ANKRD18B: variants seen among roughly 807,000 people sequenced by gnomAD.
ANKRD18B encodes the protein ankyrin repeat domain-containing protein 18B.
A neutral mutation model predicts 111.8 loss-of-function variants in ANKRD18B; 75 were observed. The observed-to-expected ratio is 0.67, with a 90% confidence interval of 0.56 to 0.81. ANKRD18B has a LOEUF of 0.81. Among genes scored for constraint, ANKRD18B ranks in the 40% least tolerant of loss-of-function variants. The pLI, the probability that ANKRD18B is intolerant of heterozygous loss-of-function variation, is 0.00. For missense variants in ANKRD18B, 1,038 were observed against 1,225.5 expected, an observed-to-expected ratio of 0.85 and a Z score of 2.28; for synonymous variants, 356 against 417.3, an observed-to-expected ratio of 0.85 and a Z score of 1.79.
At chr9:33,530,725 C>T (rs1485473739) in intron 3 of ANKRD18B, among the ~76,000 whole-genome samples, 4 of 152,160 alleles carry the variant, frequency 2.6e-5, no homozygotes, top group South Asian at 2.1e-4. Context: ...TCTTTCTCTA[C>T]GTTTGTGACT....
chr9:33,533,343 T>C, intron 3 of ANKRD18B, 96 bp from the exon 4 acceptor site: 4 of 1,499,354 alleles, frequency 2.7e-6, no homozygotes, highest in Non-Finnish European at 3.5e-6. Flanking sequence ...CTGTCTATAT[T>C]GCATGTTTAA....
At chr9:33,569,487 A>G (rs551227137) in intron 17 of ANKRD18B, among the ~76,000 whole-genome samples, 14 of 151,774 alleles carry the variant, frequency 9.2e-5, no homozygotes, top group East Asian at 1.9e-4. Flanking sequence ...CAGGTCTCGA[A>G]CTGACCTTGT....
chr9:33,567,639 C>T (rs1031125311), intron 16 of ANKRD18B, among the ~76,000 whole-genome samples: 3 of 151,978 alleles, frequency 2.0e-5, no homozygotes, highest in Non-Finnish European at 2.9e-5. Flanking sequence ...AATTACTTGT[C>T]AGAATTTTCC....
In ANKRD18B at chr9:33,534,413, G is replaced by A. The variant is rs529653205; in HGVS notation, c.646G>A (p.Val216Ile). The A allele has an allele frequency of 4.6e-5, 71 of 1,550,382 alleles. No homozygotes were observed. Among genetic ancestry groups the A allele is most frequent in the African/African-American group, 2.5e-4 (18 of 73,056 alleles). Reference protein sequence around the residue: ...LAVQHNLSSIVTLLLQQNIHI... With the variant: ...LAVQHNLSSIITLLLQQNIHI... ...AGTACAGCATAACTTGTCAAGTATC[G>A]TCACCCTCCTGCTTCAACAAAATAT... The change falls in exon 5 of 19, where the codon GTC becomes ATC. Residue 216 changes from valine to isoleucine, a missense_variant. This residue lies in a region of ANKRD18B where 93 missense variants were observed against 141.3 expected (regional missense o/e 0.66). Coordinates refer to ENST00000684830, the MANE Select transcript of ANKRD18B (RefSeq NM_001393611.1).
intron 14 of ANKRD18B, among the ~76,000 whole-genome samples, chr9:33,563,002 G>A (rs376889753): frequency 6.6e-6 from 1 of 152,104 alleles, no homozygotes; most frequent in Non-Finnish European, 1.5e-5. Context: ...CTAACTTGAG[G>A]GGAAATTGTA....
chr9:33,530,124 T>C (rs4119547), intron 3 of ANKRD18B, among the ~76,000 whole-genome samples: 107,131 of 151,942 alleles, frequency 0.71, 39,112 homozygotes, highest in Non-Finnish European at 0.82. Context: ...ACATCCCAAG[T>C]TGATAAAGGA....
chr9:33,554,188 A>G (rs1320191541), intron 12 of ANKRD18B, among the ~76,000 whole-genome samples: 1 of 151,064 alleles, frequency 6.6e-6, no homozygotes, highest in Non-Finnish European at 1.5e-5. Flanking sequence ...GGAAAAAGAA[A>G]GAAAGAAAGA....
chr9:33,555,360 ATTAATGACAATG>A (rs1828507135), intron 12 of ANKRD18B, among the ~76,000 whole-genome samples: 1 of 152,222 alleles, frequency 6.6e-6, no homozygotes, highest in South Asian at 2.1e-4. Flanking sequence ...ATCTTAAACT[ATTAATGACAATG>A]TTTCTAGAGC....
intron 16 of ANKRD18B, 106 bp downstream of exon 16, chr9:33,567,420 C>A: frequency 1.1e-6 from 1 of 949,922 alleles, no homozygotes; most frequent in Non-Finnish European, 1.5e-6. Flanking sequence ...GAAGTGAATG[C>A]TAATTTGGTA....
intron 1 of ANKRD18B, among the ~76,000 whole-genome samples, chr9:33,528,058 G>A (rs971775560): frequency 6.6e-6 from 1 of 152,194 alleles, no homozygotes; most frequent in African/African-American, 2.4e-5. Flanking sequence ...TAGAACTTTG[G>A]AAGGCTGAGG....
chr9:33,536,294 GAACT>G (rs1031657094), intron 5 of ANKRD18B, among the ~76,000 whole-genome samples: 5 of 152,224 alleles, frequency 3.3e-5, no homozygotes, highest in African/African-American at 1.2e-4. Flanking sequence ...ACAATGAATA[GAACT>G]AATAACCAAA....
At chr9:33,572,156 AT>A (rs1358639777) in intron 18 of ANKRD18B, 159 bp from the exon 19 acceptor site, 1 of 622,516 alleles carries the variant, frequency 1.6e-6, no homozygotes, top group African/African-American at 1.9e-5. Context: ...AATTAGTGCC[AT>A]GTGTAAATGA....
At chr9:33,555,229 T>C (rs935476494) in intron 12 of ANKRD18B, among the ~76,000 whole-genome samples, 3 of 152,188 alleles carry the variant, frequency 2.0e-5, no homozygotes, top group African/African-American at 7.2e-5. Flanking sequence ...TACAGGTGAA[T>C]ACTTACAGAG....
chr9:33,553,157 T>C (rs1042711559), intron 12 of ANKRD18B, among the ~76,000 whole-genome samples: 10 of 150,480 alleles, frequency 6.6e-5, no homozygotes, highest in African/African-American at 2.4e-4. Context: ...GCCCAGGAAT[T>C]TGAGACCAGC....
chr9:33,546,478 C>T (rs1828357386), intron 10 of ANKRD18B, among the ~76,000 whole-genome samples: 1 of 152,074 alleles, frequency 6.6e-6, no homozygotes, highest in Non-Finnish European at 1.5e-5. Context: ...AGTAGCGTAA[C>T]TCCTCAGCCA....
At position 33,548,804 on chromosome 9, in the gene ANKRD18B, T is replaced by C. The variant is rs780562114; in HGVS notation, c.2016T>C (p.Asn672=). Reference sequence around the variant, plus strand: ...ATAAGGAATTAATGAATGAATATAATTATTTAAAAGAAAAACTGCTTCAGT... The same window carrying C: ...ATAAGGAATTAATGAATGAATATAACTATTTAAAAGAAAAACTGCTTCAGT... The part of the protein sequence containing the change: ...ERNKELMNEY[N]YLKEKLLQYE... The change falls in exon 11 of 19, where the codon AAT becomes AAC. Residue 672 remains asparagine, a synonymous_variant. Coordinates refer to ENST00000684830, the MANE Select transcript of ANKRD18B (RefSeq NM_001393611.1). 52 of 1,519,156 alleles carry C rather than the reference T, an allele frequency of 3.4e-5. No individual in the cohort carries two copies. In the African/African-American group the frequency reaches 6.7e-4, roughly 20 times the overall value. The allele number at this position is 1,519,156 out of a possible 1,614,324, so 94.1% of individuals were successfully genotyped here. A position where few individuals can be genotyped will look rare whatever the true frequency, so the allele number is the denominator to read the frequency against.
At chr9:33,530,768 A>G (rs539101742) in intron 3 of ANKRD18B, among the ~76,000 whole-genome samples, 248 of 152,304 alleles carry the variant, frequency 1.6e-3, no homozygotes, top group South Asian at 4.6e-3. Flanking sequence ...TGGCAATATC[A>G]CTCAGCTTAC....
chr9:33,572,718 G>A lies in ANKRD18B; in HGVS notation c.*284G>A, dbSNP rs961340656. ...TGATACTGTAGTAAAGGTCATCTTT[G>A]CATTTTACACTTTTTATTACCATAT... is the stretch of plus-strand genomic sequence containing the variant. On this transcript the variant is annotated 3_prime_UTR_variant, in exon 19 of 19. Transcript: ENST00000684830. 107 of 1,044,694 alleles carry A rather than the reference G, an allele frequency of 1.0e-4. No individual in the cohort carries two copies. Among genetic ancestry groups the A allele is most frequent in the Middle Eastern group, 4.5e-4 (1 of 2,198 alleles). 64.7% of individuals were successfully genotyped at this position (1,044,694 alleles called of 1,614,324 possible). A position where few individuals can be genotyped will look rare whatever the true frequency, so the allele number is the denominator to read the frequency against.
chr9:33,550,466 C>T lies in ANKRD18B; in HGVS notation c.2104C>T (p.His702Tyr). Reference protein sequence around the residue: ...VREFQEELVDHLKKFSMSESP... With the variant: ...VREFQEELVDYLKKFSMSESP... ...AGAATTTCAAGAAGAACTGGTCGAT[C>T]ATCTTAAAAAATTTTCAATGTCAGA... The change falls in exon 12 of 19, where the codon CAT becomes TAT. Residue 702 changes from histidine (H) to tyrosine (Y), a missense_variant. Around this residue, in one of 4 missense-constraint regions of ANKRD18B, gnomAD observed 524 missense variants for 677.9 expected, o/e 0.77. Coordinates refer to ENST00000684830, the MANE Select transcript of ANKRD18B (RefSeq NM_001393611.1). 1 of 1,546,268 alleles carries T rather than the reference C, an allele frequency of 6.5e-7. No homozygotes were observed. Among genetic ancestry groups the T allele is most frequent in the Non-Finnish European group, 8.7e-7 (1 of 1,144,932 alleles).
Sources: gnomAD v4.1 joint callset for allele counts (sites outside exome capture counted in the v4.1 genomes callset) on GRCh38, gnomAD v4.1.1 for gene constraint, gnomAD v4.1.1 regional missense constraint, MANE v1.5 for transcripts, NCBI Gene and HGNC (gene_info 2026-07-23, HGNC 2026-07-21) for gene names.